Variants in TRAPPC9 observed in about 807,000 individuals in gnomAD.
The protein encoded by TRAPPC9 is IKK2 binding protein.
A neutral mutation model predicts 124.0 loss-of-function variants in TRAPPC9; 83 were observed. The observed-to-expected ratio is 0.67, with a 90% CI of 0.56 to 0.80. TRAPPC9 has a LOEUF of 0.80. TRAPPC9 is among the 30% of genes least tolerant of loss of function. TRAPPC9 has a pLI of 0.00. For missense variants in TRAPPC9, 1,302 were observed against 1,508.3 expected, an observed-to-expected ratio of 0.86 and a Z score of 2.27; for synonymous variants, 638 against 617.5, an observed-to-expected ratio of 1.03 and a Z score of -0.49.
rs147939101 is a variant in TRAPPC9 at position 139,960,107 on chromosome 8, T to G, written c.2810+28619A>C. 4.5e-4 allele frequency among the ~76,000 whole-genome samples: 68 copies of G among 152,332 alleles called. No homozygotes were observed. The East Asian group carries it at 0.013, about 28-fold the overall frequency. ...AAATCAAGGTGTCAGGGGTTAAGTA[T>G]CTTGCCCAAGATGGATGGCAAATAA... On this transcript the variant is annotated intron_variant, in intron 19 of 22. Transcript: ENST00000438773.
intron 3 of TRAPPC9, 63 bp from the exon 4 acceptor site, chr8:140,435,303 G>A (rs2132606274): frequency 6.4e-7 from 1 of 1,553,196 alleles, no homozygotes; most frequent in Non-Finnish European, 8.8e-7. Flanking sequence ...AGCATCATTA[G>A]TCAAGTCAGT....
Position 140,401,594 on chromosome 8 carries a change from A to G in TRAPPC9, c.1009-3849T>C, listed in dbSNP as rs184390216. Among the ~76,000 whole-genome samples the G allele has an allele frequency of 5.6e-4, 85 of 152,258 alleles. No individual in the cohort carries two copies. In the East Asian group the frequency reaches 0.015, roughly 28 times the overall value. On this transcript the variant is annotated intron_variant, in intron 6 of 22. Transcript: ENST00000438773. ...TGGTTAAATTTACATATTTTAATGT[A>G]TATTACAAAGAGATTTAAAATGAAA...
chr8:140,246,571 A>G (rs2063992076), intron 16 of TRAPPC9, among the ~76,000 whole-genome samples: 1 of 152,242 alleles, frequency 6.6e-6, no homozygotes, highest in South Asian at 2.1e-4. Flanking sequence ...CTAGATTCAG[A>G]TGATAGAATG....
intron 19 of TRAPPC9, among the ~76,000 whole-genome samples, chr8:139,917,323 C>G (rs560074952): frequency 1.3e-5 from 2 of 151,692 alleles, no homozygotes; most frequent in African/African-American, 4.8e-5. Context: ...TGGGACTACA[C>G]GCGCCTGCCA....
chr8:139,847,733 G>A (rs1234174734), intron 21 of TRAPPC9, among the ~76,000 whole-genome samples: 1 of 150,456 alleles, frequency 6.6e-6, no homozygotes, highest in East Asian at 2.0e-4. Flanking sequence ...CCCCCCTGGT[G>A]GCCCAGCCTG....
At chr8:140,007,700 T>TA (rs1162244152) in intron 18 of TRAPPC9, among the ~76,000 whole-genome samples, 1 of 152,234 alleles carries the variant, frequency 6.6e-6, no homozygotes, top group Non-Finnish European at 1.5e-5. Flanking sequence ...TTGATGTTTA[T>TA]AAATCAGGCT....
intron 8 of TRAPPC9, among the ~76,000 whole-genome samples, 192 bp downstream of exon 8, chr8:140,370,772 C>T (rs552831964): frequency 1.3e-5 from 2 of 152,320 alleles, no homozygotes; most frequent in South Asian, 2.1e-4. Context: ...AGAATCCGAG[C>T]CCCAAGGCAA....
intron 18 of TRAPPC9, among the ~76,000 whole-genome samples, chr8:140,019,017 A>G (rs1839657566): frequency 6.6e-6 from 1 of 152,206 alleles, no homozygotes; most frequent in Non-Finnish European, 1.5e-5. Flanking sequence ...TGGCATAATT[A>G]AGCATTGACT....
chr8:140,303,159 A>G (rs931798723), intron 10 of TRAPPC9, among the ~76,000 whole-genome samples: 1 of 152,210 alleles, frequency 6.6e-6, no homozygotes, highest in Non-Finnish European at 1.5e-5. Flanking sequence ...TAAACGTATC[A>G]AAGCAACTCG....
chr8:140,262,040 C>T (rs2064436259), intron 15 of TRAPPC9, among the ~76,000 whole-genome samples: 1 of 152,164 alleles, frequency 6.6e-6, no homozygotes, highest in Non-Finnish European at 1.5e-5. Context: ...AATCCACACA[C>T]TGATTCTCTG....
At chr8:140,185,386 C>T (rs975328662) in intron 17 of TRAPPC9, among the ~76,000 whole-genome samples, 1 of 152,208 alleles carries the variant, frequency 6.6e-6, no homozygotes, top group Non-Finnish European at 1.5e-5. Flanking sequence ...AGGTGCTACG[C>T]CATCACCAAA....
chr8:140,387,687 A>G (rs1197704458), intron 7 of TRAPPC9, among the ~76,000 whole-genome samples: 1 of 152,218 alleles, frequency 6.6e-6, no homozygotes, highest in East Asian at 1.9e-4. Context: ...ACCATCTCAC[A>G]CCATTCAGAA....
chr8:139,968,366 T>C (rs1835847714), intron 19 of TRAPPC9, among the ~76,000 whole-genome samples: 2 of 152,122 alleles, frequency 1.3e-5, no homozygotes, highest in African/African-American at 4.8e-5. Flanking sequence ...CTTATGTTCT[T>C]TCCCAGGAGG....
intron 17 of TRAPPC9, among the ~76,000 whole-genome samples, chr8:140,128,007 T>G (rs958432350): frequency 6.6e-6 from 1 of 152,272 alleles, no homozygotes; most frequent in African/African-American, 2.4e-5. Flanking sequence ...AGATAGCATC[T>G]ACTTGCCTTA....
intron 9 of TRAPPC9, among the ~76,000 whole-genome samples, chr8:140,327,976 C>T (rs760018757): frequency 1.3e-5 from 2 of 152,124 alleles, no homozygotes; most frequent in Non-Finnish European, 2.9e-5. Context: ...TAAAATTGGC[C>T]GGGCGCGGTG....
At chr8:140,349,257 G>T (rs1436729120) in intron 9 of TRAPPC9, among the ~76,000 whole-genome samples, 1 of 83,302 alleles carries the variant, frequency 1.2e-5, no homozygotes, top group Non-Finnish European at 2.8e-5. Context: ...GAAGGGCACA[G>T]AGGGGGGCCG....
intron 21 of TRAPPC9, among the ~76,000 whole-genome samples, chr8:139,856,771 G>A (rs1483472515): frequency 6.6e-6 from 1 of 151,716 alleles, no homozygotes. Flanking sequence ...GAAGGAAGGG[G>A]AGGGGATGGA....
chr8:140,369,008 G>A (rs1340609900), intron 8 of TRAPPC9, among the ~76,000 whole-genome samples: 1 of 152,180 alleles, frequency 6.6e-6, no homozygotes, highest in African/African-American at 2.4e-5. Context: ...CATGGTGTGC[G>A]TGCCGTCCAT....
At chr8:140,024,248 C>A (rs1469341690) in intron 17 of TRAPPC9, among the ~76,000 whole-genome samples, 169 bp from the exon 18 acceptor site, 1 of 152,104 alleles carries the variant, frequency 6.6e-6, no homozygotes, top group East Asian at 1.9e-4. Flanking sequence ...CTCACACCCC[C>A]GGCGGGGACC....
Sources: gnomAD v4.1 joint callset for allele counts (sites outside exome capture counted in the v4.1 genomes callset) on GRCh38, gnomAD v4.1.1 for gene constraint, MANE v1.5 for transcripts, NCBI Gene and HGNC (gene_info 2026-07-23, HGNC 2026-07-21) for gene names.